The following RASSF8 variants were observed in gnomAD, a reference collection of about 807,000 sequenced individuals.
RASSF8 encodes Ras association domain family member 8, also known as ras association domain-containing protein 8.
Under a neutral mutation model 48.5 loss-of-function variants are expected in RASSF8, and 22 were observed. The ratio of observed to expected loss-of-function variants is 0.45; its 90% confidence interval spans 0.32 to 0.65. The LOEUF is 0.65. Among genes scored for constraint, RASSF8 ranks in the 30% least tolerant of loss-of-function variants. The pLI, the probability that RASSF8 is intolerant of heterozygous loss-of-function variation, is 0.03. For missense variants in RASSF8, 418 were observed against 489.2 expected (o/e 0.85, Z 1.37); for synonymous variants, 127 against 171.5 (o/e 0.74, Z 2.03).
rs1366173854 is a variant in RASSF8, at chr12:26,055,414, A to C, written c.71A>C (p.Gln24Pro). Residue 24 changes from glutamine (Q) to proline (P), a missense_variant, in exon 3 of 6, where the codon CAG becomes CCG. By Grantham distance (76) the Gln-to-Pro change is moderately conservative. Coordinates refer to ENST00000689635, the MANE Select transcript of RASSF8 (RefSeq NM_001394098.1). ...VCGVTEVTTC[Q>P]EVVIALAQAI... ...GGAGTCACTGAAGTCACAACTTGCCAGGAGGTTGTCATAGCCTTAGCTCAA... is the reference window on the plus strand; with the variant it reads ...GGAGTCACTGAAGTCACAACTTGCCCGGAGGTTGTCATAGCCTTAGCTCAA... 1 of 1,614,016 alleles carries C rather than the reference A, an allele frequency of 6.2e-7. No homozygotes were observed. Among genetic ancestry groups the C allele is most frequent in the Non-Finnish European group, 8.5e-7 (1 of 1,179,972 alleles).
intron 1 of RASSF8, among the ~76,000 whole-genome samples, chr12:25,988,018 AT>A (rs758560310): frequency 0.016 from 2,153 of 137,804 alleles, 31 homozygotes; most frequent in African/African-American, 0.033. Flanking sequence ...TGCCTGGCTA[AT>A]TTTTTTTTTT....
In RASSF8 at chr12:26,069,089, A is replaced by G. The variant is rs1591822238; in HGVS notation, c.*271A>G. ...TTATTTGTAGCATTTTGAGAGCTTT[A>G]GGAAAGTATTATATAGTGTGTATAC... On this transcript the variant is annotated 3_prime_UTR_variant, in exon 6 of 6. Coordinates refer to ENST00000689635, the MANE Select transcript of RASSF8 (RefSeq NM_001394098.1). The G allele has an allele frequency of 1.8e-6, 2 of 1,125,926 alleles. No homozygotes were observed. The highest frequency in any genetic ancestry group is 5.2e-5 in the South Asian group (2 of 38,110). The allele number at this position is 1,125,926 out of a possible 1,614,324, so 69.7% of individuals were successfully genotyped here.
chr12:26,002,054 A>G (rs1182258590), intron 2 of RASSF8, among the ~76,000 whole-genome samples: 1 of 152,222 alleles, frequency 6.6e-6, no homozygotes, highest in Non-Finnish European at 1.5e-5. Flanking sequence ...GTGTAATCTA[A>G]TGGGGCTATA....
At chr12:26,060,807 C>T (rs78596235) in intron 3 of RASSF8, among the ~76,000 whole-genome samples, 308 of 152,254 alleles carry the variant, frequency 2.0e-3, no homozygotes, top group African/African-American at 7.2e-3. Context: ...GCTTATCCTC[C>T]ATAGATAAAG....
chr12:26,073,869 AAGT>A (rs1176741116), downstream of RASSF8, among the ~76,000 whole-genome samples: 3 of 145,070 alleles, frequency 2.1e-5, no homozygotes, highest in African/African-American at 7.8e-5. Flanking sequence ...TATTTAGCCA[AAGT>A]AGTATTTATT....
downstream of RASSF8, among the ~76,000 whole-genome samples, chr12:26,073,821 TACACACAC>T (rs757140768): frequency 0.087 from 5,656 of 65,200 alleles, 533 homozygotes; most frequent in East Asian, 0.45. Context: ...TATATACACA[TACACACAC>T]ACACACACAC....
chr12:25,989,702 T>C (rs991233922), intron 1 of RASSF8, among the ~76,000 whole-genome samples: 2 of 152,234 alleles, frequency 1.3e-5, no homozygotes, highest in Non-Finnish European at 2.9e-5. Flanking sequence ...TTGCATAACA[T>C]TTAATAACAA....
intron 3 of RASSF8, among the ~76,000 whole-genome samples, chr12:26,062,115 T>C (rs1180838451): frequency 1.3e-5 from 2 of 152,238 alleles, no homozygotes; most frequent in Non-Finnish European, 2.9e-5. Flanking sequence ...GAAAGAACTC[T>C]ACCGGTTTAT....
intron 1 of RASSF8, among the ~76,000 whole-genome samples, chr12:25,975,938 C>T (rs1941594031): frequency 6.6e-6 from 1 of 152,268 alleles, no homozygotes; most frequent in East Asian, 1.9e-4. Flanking sequence ...AGTGTCTAGA[C>T]TCAGTCAGCT....
chr12:25,972,046 C>T (rs899674715), intron 1 of RASSF8, among the ~76,000 whole-genome samples: 2 of 152,190 alleles, frequency 1.3e-5, no homozygotes, highest in Non-Finnish European at 2.9e-5. Context: ...CACAGCTAGT[C>T]GTTGAGTGAA....
intron 2 of RASSF8, among the ~76,000 whole-genome samples, chr12:26,025,294 A>G (rs190097056): frequency 1.8e-4 from 28 of 152,116 alleles, no homozygotes; most frequent in Admixed American, 1.8e-3. Flanking sequence ...GTGGTGGCTC[A>G]CGCCTGTAAT....
At chr12:26,018,570 C>G (rs1942708871) in intron 2 of RASSF8, among the ~76,000 whole-genome samples, 1 of 152,114 alleles carries the variant, frequency 6.6e-6, no homozygotes, top group African/African-American at 2.4e-5. Flanking sequence ...GGAAACAACA[C>G]TTACAACTTG....
At chr12:25,997,794 C>A (rs1455158432) in intron 2 of RASSF8, among the ~76,000 whole-genome samples, 1 of 152,080 alleles carries the variant, frequency 6.6e-6, no homozygotes, top group East Asian at 1.9e-4. Context: ...ATTCATCATC[C>A]TTTTTTTGGC....
At chr12:25,998,958 G>A (rs2729652) in intron 2 of RASSF8, among the ~76,000 whole-genome samples, 3,387 of 152,166 alleles carry the variant, frequency 0.022, 127 homozygotes, top group African/African-American at 0.078. Flanking sequence ...TTTATGGGAA[G>A]TATCTATAAT....
chr12:26,039,006 A>G (rs1943209057), intron 2 of RASSF8, among the ~76,000 whole-genome samples: 1 of 152,094 alleles, frequency 6.6e-6, no homozygotes. Flanking sequence ...TTAAAAAGCT[A>G]TTTTAATTGT....
At position 26,050,161 on chromosome 12, in the gene RASSF8, G is replaced by A. The variant is rs1257451760; in HGVS notation, c.-108-5075G>A. On this transcript the variant is annotated intron_variant, in intron 2 of 5. Transcript: ENST00000689635. ...TTGATTCATAGCATGTTTTATACTAGATGTGACTGAAATTTTAAAATATGA... is the reference window on the plus strand; with the variant it reads ...TTGATTCATAGCATGTTTTATACTAAATGTGACTGAAATTTTAAAATATGA... 2.6e-5 allele frequency among the ~76,000 whole-genome samples: 4 copies of A among 152,090 alleles called. No homozygotes were observed. The East Asian group carries it at 7.7e-4, about 29-fold the overall frequency.
At chr12:26,025,606 A>G (rs1459006377) in intron 2 of RASSF8, among the ~76,000 whole-genome samples, 1 of 151,742 alleles carries the variant, frequency 6.6e-6, no homozygotes. Context: ...AGGAAAAAGA[A>G]CTAACTCTGT....
chr12:25,968,217 G>C (rs973915444), intron 1 of RASSF8, among the ~76,000 whole-genome samples: 3 of 152,198 alleles, frequency 2.0e-5, no homozygotes, highest in South Asian at 2.1e-4. Context: ...GCCTAAACCA[G>C]TGGAAACTTT....
At position 26,019,369 on chromosome 12, in the gene RASSF8, C is replaced by T. The variant is rs79248908; in HGVS notation, c.-109+24239C>T. Among the ~76,000 whole-genome samples the T allele has an allele frequency of 6.2e-4, 95 of 152,148 alleles. 1 individual carries two copies. The East Asian group carries it at 0.014, about 23-fold the overall frequency. ...ATAAATAAGTATATATTTCCCAAAT[C>T]GCCTGCCTTAATAGGTACAGCACCC... On this transcript the variant is annotated intron_variant, in intron 2 of 5. Coordinates refer to ENST00000689635, the MANE Select transcript of RASSF8 (RefSeq NM_001394098.1).
Sources: gnomAD v4.1 joint callset for allele counts (sites outside exome capture counted in the v4.1 genomes callset) on GRCh38, gnomAD v4.1.1 for gene constraint, MANE v1.5 for transcripts, NCBI Gene and HGNC (gene_info 2026-07-23, HGNC 2026-07-21) for gene names.